REDIC1: variants seen among roughly 807,000 people sequenced by gnomAD.
The protein encoded by REDIC1 is regulator of DNA class I crossover intermediates 1.
chr12:39,660,871 C>T, the REDIC1 span, among the ~76,000 whole-genome samples: 3 of 152,050 alleles, frequency 2.0e-5, no homozygotes, highest in Non-Finnish European at 2.9e-5. Flanking sequence ...ACTCTACCCA[C>T]GAGAGATTAA....
chr12:39,736,208 G>T, the REDIC1 span, among the ~76,000 whole-genome samples: 103 of 152,304 alleles, frequency 6.8e-4, 2 homozygotes, highest in East Asian at 0.019. Flanking sequence ...GTGTGTGCAT[G>T]GCTGGATTAC....
At chr12:39,701,529 A>G in the REDIC1 span, among the ~76,000 whole-genome samples, 5 of 152,146 alleles carry the variant, frequency 3.3e-5, no homozygotes, top group East Asian at 1.9e-4. Flanking sequence ...AGACAGATCA[A>G]TGAGACAGAA....
chr12:39,785,374 T>A, the REDIC1 span, among the ~76,000 whole-genome samples: 1 of 152,122 alleles, frequency 6.6e-6, no homozygotes, highest in South Asian at 2.1e-4. Context: ...CCATGTGGCG[T>A]TGAGCCTGTG....
At chr12:39,671,498 T>G in the REDIC1 span, among the ~76,000 whole-genome samples, 1 of 152,092 alleles carries the variant, frequency 6.6e-6, no homozygotes, top group Admixed American at 6.5e-5. Flanking sequence ...GTGGGCCAAT[T>G]CTTGATCCTC....
At chr12:39,760,064 A>G in the REDIC1 span, 1 of 1,612,654 alleles carries the variant, frequency 6.2e-7, no homozygotes, top group Non-Finnish European at 8.5e-7. Context: ...GAAAGATGAT[A>G]GTTACTTCCC....
At chr12:39,894,483 G>T in the REDIC1 span, among the ~76,000 whole-genome samples, 1 of 151,636 alleles carries the variant, frequency 6.6e-6, no homozygotes, top group Non-Finnish European at 1.5e-5. Flanking sequence ...ATAACAAACA[G>T]GGATAAAATT....
At chr12:39,862,401 G>T in the REDIC1 span, among the ~76,000 whole-genome samples, 1 of 152,158 alleles carries the variant, frequency 6.6e-6, no homozygotes, top group African/African-American at 2.4e-5. Flanking sequence ...GTGGTCTATA[G>T]ATTTCTACAA....
At chr12:39,731,734 G>T in the REDIC1 span, among the ~76,000 whole-genome samples, 1 of 152,124 alleles carries the variant, frequency 6.6e-6, no homozygotes, top group South Asian at 2.1e-4. Context: ...ATTTAACTCC[G>T]CTGAAGTTGT....
chr12:39,694,109 A>T, the REDIC1 span, among the ~76,000 whole-genome samples: 1 of 152,144 alleles, frequency 6.6e-6, no homozygotes, highest in South Asian at 2.1e-4. Context: ...ATTCTCTATT[A>T]TATCTTTTGC....
At chr12:39,750,793 C>A in the REDIC1 span, among the ~76,000 whole-genome samples, 1 of 152,012 alleles carries the variant, frequency 6.6e-6, no homozygotes, top group Non-Finnish European at 1.5e-5. Context: ...ACAAACCTGA[C>A]AAAAACAAGA....
At chr12:39,760,259 CG>C in the REDIC1 span, 20 of 1,603,850 alleles carry the variant, frequency 1.2e-5, 1 homozygote, top group East Asian at 4.1e-4. Flanking sequence ...GCTCCTGCAA[CG>C]GAATATAATA....
At chr12:39,713,928 A>G in the REDIC1 span, among the ~76,000 whole-genome samples, 1 of 146,560 alleles carries the variant, frequency 6.8e-6, no homozygotes. Context: ...TATATATTAA[A>G]TTATGTGCAT....
the REDIC1 span, among the ~76,000 whole-genome samples, chr12:39,832,625 A>G: frequency 6.6e-6 from 1 of 152,076 alleles, no homozygotes; most frequent in Non-Finnish European, 1.5e-5. Flanking sequence ...GTGCTGGGAC[A>G]TGTGAGTGAA....
the REDIC1 span, among the ~76,000 whole-genome samples, chr12:39,729,846 T>C: frequency 2.6e-5 from 4 of 152,188 alleles, no homozygotes; most frequent in African/African-American, 9.7e-5. Context: ...GGTGCTCTTG[T>C]ATTGGGTGCA....
the REDIC1 span, among the ~76,000 whole-genome samples, chr12:39,740,515 T>A: frequency 2.0e-5 from 3 of 152,188 alleles, no homozygotes; most frequent in Non-Finnish European, 4.4e-5. Context: ...GTGTTTTTTG[T>A]TTTATTTTCT....
chr12:39,761,409 C>A, the REDIC1 span, among the ~76,000 whole-genome samples: 17 of 152,098 alleles, frequency 1.1e-4, no homozygotes, highest in African/African-American at 3.9e-4. Context: ...CTTTGCCCAA[C>A]TGTAAAGAAT....
chr12:39,683,234 ATTT>A, the REDIC1 span: 1 of 1,295,666 alleles, frequency 7.7e-7, no homozygotes, highest in Non-Finnish European at 1.1e-6. Flanking sequence ...ACATCTATAT[ATTT>A]GTATGTGTGT....
the REDIC1 span, among the ~76,000 whole-genome samples, chr12:39,713,562 G>C: frequency 6.7e-6 from 1 of 149,596 alleles, no homozygotes; most frequent in Non-Finnish European, 1.5e-5. Flanking sequence ...GTGCATACAT[G>C]TGTACGCGTA....
the REDIC1 span, among the ~76,000 whole-genome samples, chr12:39,870,665 C>A: frequency 6.6e-6 from 1 of 152,248 alleles, no homozygotes; most frequent in Middle Eastern, 3.4e-3. Flanking sequence ...CAGTATATAT[C>A]CTGGCTGTTG....
Sources: gnomAD v4.1 joint callset for allele counts (sites outside exome capture counted in the v4.1 genomes callset) on GRCh38, gnomAD v4.1.1 for gene constraint, MANE v1.5 for transcripts, NCBI Gene and HGNC (gene_info 2026-07-23, HGNC 2026-07-21) for gene names.